CAMTA1: variants seen among roughly 807,000 people sequenced by gnomAD.
CAMTA1 encodes the protein calmodulin-binding transcription activator 1.
Under a neutral mutation model 170.9 loss-of-function variants are expected in CAMTA1, and 27 were observed. The ratio of observed to expected loss-of-function variants is 0.16; its 90% CI spans 0.12 to 0.22. CAMTA1 has a LOEUF of 0.22. Ranked by LOEUF, CAMTA1 falls within the 10% of genes least tolerant of loss-of-function variation. The pLI, the probability that CAMTA1 is intolerant of heterozygous loss-of-function variation, is 1.00. For missense variants in CAMTA1, 1,619 were observed against 2,217.2 expected (o/e 0.73, Z 5.42); for synonymous variants, 833 against 891.5 (o/e 0.93, Z 1.17).
chr1:7,160,179 G>A lies in CAMTA1; in HGVS notation c.302+68808G>A, dbSNP rs568722118. Reference sequence around the variant, plus strand: ...CAGGAGAATCATTTGAACCTGGGAGGAAGAGGTTGCAGTGAGCTGAGATCA... The same window carrying A: ...CAGGAGAATCATTTGAACCTGGGAGAAAGAGGTTGCAGTGAGCTGAGATCA... On this transcript the variant is annotated intron_variant, in intron 4 of 22. Coordinates refer to ENST00000303635, the MANE Select transcript of CAMTA1 (RefSeq NM_015215.4). 7.2e-5 allele frequency among the ~76,000 whole-genome samples: 11 copies of A among 152,252 alleles called. No homozygotes were observed. The East Asian group carries it at 2.1e-3, about 29-fold the overall frequency.
intron 6 of CAMTA1, among the ~76,000 whole-genome samples, chr1:7,575,910 G>C (rs1259117679): frequency 6.6e-6 from 1 of 152,180 alleles, no homozygotes; most frequent in Non-Finnish European, 1.5e-5. Context: ...TGCTTCCCTG[G>C]AGACGTCAGG....
chr1:6,987,129 T>C (rs1695492918), intron 3 of CAMTA1, among the ~76,000 whole-genome samples: 1 of 151,556 alleles, frequency 6.6e-6, no homozygotes, highest in South Asian at 2.1e-4. Flanking sequence ...GGGTAACTTT[T>C]AAAAACTAAT....
intron 3 of CAMTA1, among the ~76,000 whole-genome samples, chr1:6,841,862 G>T (rs553759747): frequency 6.6e-6 from 1 of 152,268 alleles, no homozygotes; most frequent in East Asian, 1.9e-4. Flanking sequence ...TGTTGCTTGC[G>T]CCTGGGTCAG....
At chr1:7,437,563 T>C (rs1279519754) in intron 5 of CAMTA1, among the ~76,000 whole-genome samples, 2 of 152,172 alleles carry the variant, frequency 1.3e-5, no homozygotes, top group African/African-American at 4.8e-5. Flanking sequence ...GCAGAGACTT[T>C]CCAAATTAGG....
chr1:7,027,736 A>T (rs551102782), intron 3 of CAMTA1, among the ~76,000 whole-genome samples: 1 of 152,282 alleles, frequency 6.6e-6, no homozygotes, highest in South Asian at 2.1e-4. Context: ...GTGGGCGTGG[A>T]GGGAGATTCT....
chr1:6,814,624 G>A (rs1375394521), intron 1 of CAMTA1, among the ~76,000 whole-genome samples: 4 of 152,168 alleles, frequency 2.6e-5, no homozygotes, highest in Admixed American at 2.0e-4. Flanking sequence ...CCATTATACA[G>A]TTAGCCTCCC....
chr1:6,905,581 C>T (rs1440425441), intron 3 of CAMTA1, among the ~76,000 whole-genome samples: 2 of 152,172 alleles, frequency 1.3e-5, no homozygotes, highest in Non-Finnish European at 2.9e-5. Context: ...GCTTCAGCTC[C>T]TAGTGGAACC....
chr1:7,737,245 T>C lies in CAMTA1; in HGVS notation c.3343-10T>C. The C allele has an allele frequency of 6.2e-7, 1 of 1,609,786 alleles. No individual in the cohort carries two copies. The highest frequency in any genetic ancestry group is 1.7e-5 in the Admixed American group (1 of 59,712). On this transcript the variant is annotated splice_polypyrimidine_tract_variant and intron_variant, in intron 14 of 22. Coordinates refer to ENST00000303635, the MANE Select transcript of CAMTA1 (RefSeq NM_015215.4). ...ATTGAGAACGCTTGCTGTGTCTCCC[T>C]GTCTTCTAGATGTGGGCGTGTGCCC... is the stretch of plus-strand genomic sequence containing the variant.
chr1:7,379,211 A>G (rs542374280), intron 5 of CAMTA1, among the ~76,000 whole-genome samples: 34 of 152,378 alleles, frequency 2.2e-4, no homozygotes, highest in African/African-American at 7.5e-4. Context: ...TACAATTTAT[A>G]CACAATGCTG....
intron 5 of CAMTA1, among the ~76,000 whole-genome samples, chr1:7,253,554 T>A (rs1245475025): frequency 6.6e-6 from 1 of 152,224 alleles, no homozygotes; most frequent in Non-Finnish European, 1.5e-5. Flanking sequence ...GAGACAGTCA[T>A]GGGCTTACAC....
At position 7,680,855 on chromosome 1, in the gene CAMTA1, C is replaced by T. The variant is rs1167253446; in HGVS notation, c.2914+3122C>T. On this transcript the variant is annotated intron_variant, in intron 11 of 22. Coordinates refer to ENST00000303635, the MANE Select transcript of CAMTA1 (RefSeq NM_015215.4). This position sits in a 1 kb window ranked among gnomAD's most constrained non-coding sequence, Gnocchi z 4.4. ...GGCGCAGAGAACACGCGCGCGCGCG[C>T]GCGCGCCAGCAGCAGCAGCAGCAGC... Among the ~76,000 whole-genome samples, 1 of 87,796 alleles carries T rather than the reference C, an allele frequency of 1.1e-5. No homozygotes were observed. The highest frequency in any genetic ancestry group is 2.5e-5 in the Non-Finnish European group (1 of 40,082). 57.6% of individuals were successfully genotyped at this position (87,796 alleles called of 152,430 possible).
intron 5 of CAMTA1, among the ~76,000 whole-genome samples, chr1:7,289,653 T>C (rs537742013): frequency 6.6e-6 from 1 of 152,254 alleles, no homozygotes; most frequent in South Asian, 2.1e-4. Context: ...TTAAGTGAGG[T>C]CATGCTAGAT....
At chr1:7,104,358 CTCAA>C (rs1275165825) in intron 4 of CAMTA1, among the ~76,000 whole-genome samples, 9 of 117,674 alleles carry the variant, frequency 7.6e-5, no homozygotes, top group Non-Finnish European at 1.4e-4. Flanking sequence ...TGCATAAATA[CTCAA>C]TACACATACA....
At chr1:7,720,646 G>C (rs1310130609) in intron 11 of CAMTA1, among the ~76,000 whole-genome samples, 1 of 152,182 alleles carries the variant, frequency 6.6e-6, no homozygotes, top group Non-Finnish European at 1.5e-5. Context: ...CTCCTAAAGT[G>C]CTGGGATTAC....
At chr1:6,821,685 A>G (rs1557627381) in intron 2 of CAMTA1, among the ~76,000 whole-genome samples, 1 of 152,196 alleles carries the variant, frequency 6.6e-6, no homozygotes, top group African/African-American at 2.4e-5. Flanking sequence ...AAATGAATGT[A>G]TCATTTCTAG....
intron 4 of CAMTA1, among the ~76,000 whole-genome samples, chr1:7,246,829 G>C (rs1051525595): frequency 3.3e-5 from 5 of 152,028 alleles, no homozygotes; most frequent in African/African-American, 1.2e-4. Flanking sequence ...ACCATGCCAG[G>C]CTAATTTTTT....
intron 3 of CAMTA1, among the ~76,000 whole-genome samples, chr1:6,941,852 G>C (rs961394671): frequency 6.6e-6 from 1 of 152,194 alleles, no homozygotes; most frequent in African/African-American, 2.4e-5. Context: ...TCCACTATAG[G>C]CATGGCCAGG....
chr1:7,055,934 C>T (rs1707259560), intron 3 of CAMTA1, among the ~76,000 whole-genome samples: 1 of 152,200 alleles, frequency 6.6e-6, no homozygotes, highest in South Asian at 2.1e-4. Flanking sequence ...TTCCTCTGCA[C>T]AAGGAGGGCT....
intron 4 of CAMTA1, among the ~76,000 whole-genome samples, chr1:7,168,945 T>C (rs1261168731): frequency 6.6e-6 from 1 of 152,148 alleles, no homozygotes; most frequent in Admixed American, 6.5e-5. Context: ...ATAAACTCTT[T>C]ATTAGATCAA....
Sources: allele counts gnomAD v4.1 joint callset (sites outside exome capture counted in the v4.1 genomes callset), GRCh38; gene constraint gnomAD v4.1.1; non-coding constraint Gnocchi (gnomAD v3.1); transcripts MANE v1.5; gene names NCBI Gene and HGNC (gene_info 2026-07-23, HGNC 2026-07-21).